NSF: variants seen among roughly 807,000 people sequenced by gnomAD.
NSF encodes the protein N-ethylmaleimide sensitive factor, vesicle fusing ATPase.
In NSF, 14 loss-of-function variants were observed where a neutral mutation model predicts 50.3. The ratio of observed to expected loss-of-function variants is 0.28; its 90% CI spans 0.18 to 0.44. NSF has a LOEUF of 0.44. Ranked by LOEUF, NSF falls within the 20% of genes least tolerant of loss-of-function variation. NSF has a pLI of 1.00. For missense variants in NSF, 218 were observed against 504.3 expected (o/e 0.43, Z 5.44); for synonymous variants, 109 against 175.7 (o/e 0.62, Z 3.00).
Position 46,657,971 on chromosome 17 carries a change from T to TTTA in NSF, c.745+14714_745+14715insATT, listed in dbSNP as rs1555670143. On this transcript the variant is annotated intron_variant, in intron 8 of 20. Transcript: ENST00000398238. ...TTTTGTTTTTATTTTATTTTATTTA[T>TTTA]TTTTTTTTTTTTTGGCGGGGTGGGG... 2.1e-3 allele frequency among the ~76,000 whole-genome samples: 24 copies of TTTA among 11,564 alleles called. 3 individuals are homozygous for TTTA. Among genetic ancestry groups the TTTA allele is most frequent in the Non-Finnish European group, 0.011 (5 of 462 alleles). The allele number at this position is 11,564 out of a possible 152,430, so 7.6% of individuals were successfully genotyped here.
intron 17 of NSF, among the ~76,000 whole-genome samples, chr17:46,734,506 A>G (rs1393919077): frequency 6.6e-6 from 1 of 152,138 alleles, no homozygotes; most frequent in Non-Finnish European, 1.5e-5. Flanking sequence ...TTAGTATAGT[A>G]GATTTTCTTG....
At chr17:46,735,819 C>G (rs1434573845) in intron 17 of NSF, among the ~76,000 whole-genome samples, 1 of 152,048 alleles carries the variant, frequency 6.6e-6, no homozygotes, top group Non-Finnish European at 1.5e-5. Flanking sequence ...GTGGTGTGCA[C>G]CTGTAATCCC....
At chr17:46,750,056 A>G in intron 18 of NSF, 149 bp downstream of exon 18, 2 of 866,988 alleles carry the variant, frequency 2.3e-6, no homozygotes, top group Non-Finnish European at 3.4e-6. Flanking sequence ...ACCTTATCCA[A>G]AATGCCTGGG....
At chr17:46,754,597 C>T (rs1335634280) in intron 19 of NSF, among the ~76,000 whole-genome samples, 1 of 152,202 alleles carries the variant, frequency 6.6e-6, no homozygotes, top group Non-Finnish European at 1.5e-5. Flanking sequence ...GAATAAAGTA[C>T]ATTTAACGAG....
intron 13 of NSF, among the ~76,000 whole-genome samples, chr17:46,707,350 ACT>A (rs1568037817): frequency 1.3e-5 from 2 of 151,978 alleles, no homozygotes; most frequent in East Asian, 1.9e-4. Context: ...TTCTTTATAT[ACT>A]CTTTTTTTCT....
At chr17:46,755,414 C>A in intron 20 of NSF, 45 bp downstream of exon 20, 1 of 1,425,542 alleles carries the variant, frequency 7.0e-7, no homozygotes, top group Non-Finnish European at 9.9e-7. Flanking sequence ...AACTTACCAC[C>A]CTGTTAAATC....
At chr17:46,595,336 C>G (rs925771539) in intron 1 of NSF, among the ~76,000 whole-genome samples, 2 of 65,122 alleles carry the variant, frequency 3.1e-5, no homozygotes, top group African/African-American at 3.3e-4. Context: ...CACCTTGTTG[C>G]AATACTTTTA....
At chr17:46,742,219 C>G (rs2059080945) in intron 17 of NSF, among the ~76,000 whole-genome samples, 1 of 152,206 alleles carries the variant, frequency 6.6e-6, no homozygotes, top group Admixed American at 6.5e-5. Context: ...AGATTATTTT[C>G]TTTAAAATTT....
intron 17 of NSF, among the ~76,000 whole-genome samples, chr17:46,737,604 T>A (rs960198274): frequency 1.4e-5 from 2 of 147,584 alleles, no homozygotes; most frequent in African/African-American, 4.9e-5. Flanking sequence ...TGTGTGTGTG[T>A]TTTCTGATCC....
chr17:46,739,884 G>A (rs2059052293), intron 17 of NSF, among the ~76,000 whole-genome samples: 1 of 152,104 alleles, frequency 6.6e-6, no homozygotes. Context: ...ATTTTTAGCA[G>A]AGATGAGGTT....
chr17:46,622,558 G>A (rs1428175917), intron 1 of NSF, among the ~76,000 whole-genome samples: 18 of 148,664 alleles, frequency 1.2e-4, no homozygotes, highest in Admixed American at 4.7e-4. Flanking sequence ...CGAGGCGGGC[G>A]GATTGCCTGA....
chr17:46,744,449 A>C (rs961812407), intron 17 of NSF, among the ~76,000 whole-genome samples: 2 of 152,190 alleles, frequency 1.3e-5, no homozygotes, highest in African/African-American at 4.8e-5. Context: ...CAGGGTTTTC[A>C]ATTGTTCACA....
chr17:46,756,001 C>T lies in NSF; in HGVS notation c.*178C>T. The stretch of plus-strand genomic sequence containing the variant: ...CCCTTCCTTATGCATACTGAGATAG[C>T]TTAGTGTCTCGTGGAAGGTGTCAAT... On this transcript the variant is annotated 3_prime_UTR_variant, in exon 21 of 21. Coordinates refer to ENST00000398238, the MANE Select transcript of NSF (RefSeq NM_006178.4). The T allele has an allele frequency of 1.7e-6, 1 of 598,808 alleles. No individual in the cohort carries two copies. The highest frequency in any genetic ancestry group is 2.9e-5 in the East Asian group (1 of 34,918). The allele number at this position is 598,808 out of a possible 1,614,324, so 37.1% of individuals were successfully genotyped here. A position where few individuals can be genotyped will look rare whatever the true frequency, so the allele number is the denominator to read the frequency against.
chr17:46,730,764 C>A (rs1350069044), intron 17 of NSF, among the ~76,000 whole-genome samples: 1 of 151,972 alleles, frequency 6.6e-6, no homozygotes, highest in Non-Finnish European at 1.5e-5. Context: ...TGAAAACATT[C>A]AAAAATAAGT....
At chr17:46,712,246 A>G (rs1302073362) in intron 14 of NSF, among the ~76,000 whole-genome samples, 5 of 152,216 alleles carry the variant, frequency 3.3e-5, no homozygotes, top group Non-Finnish European at 5.9e-5. Flanking sequence ...TATTATTGTC[A>G]ATCATAATTA....
At chr17:46,713,756 G>T in intron 14 of NSF, 97 bp from the exon 15 acceptor site, 1 of 1,131,206 alleles carries the variant, frequency 8.8e-7, no homozygotes, top group South Asian at 1.5e-5. Context: ...GCAACTAGTC[G>T]AGACCTCAGT....
chr17:46,727,529 A>C (rs981861531), intron 16 of NSF, among the ~76,000 whole-genome samples: 10 of 152,080 alleles, frequency 6.6e-5, no homozygotes, highest in Non-Finnish European at 1.5e-4. Flanking sequence ...CATTTTTCCC[A>C]TGATTTTCAG....
rs147678938 is a variant in NSF, at chr17:46,747,379, C to T, written c.1909-2394C>T. On this transcript the variant is annotated intron_variant, in intron 17 of 20. Transcript: ENST00000398238. ...CACTCCAGCCTCAAACTCCTTGGCT[C>T]AAGCGATCTGCTCACCTCAGGCTCC... 1.2e-4 allele frequency among the ~76,000 whole-genome samples: 19 copies of T among 152,278 alleles called. No homozygotes were observed. In the East Asian group the frequency reaches 3.7e-3, roughly 29 times the overall value.
At chr17:46,727,741 A>G (rs548751593) in intron 16 of NSF, among the ~76,000 whole-genome samples, 1 of 152,262 alleles carries the variant, frequency 6.6e-6, no homozygotes, top group East Asian at 1.9e-4. Context: ...AAATTCCTTT[A>G]TCTTAACACA....
Sources: gnomAD v4.1 joint callset for allele counts (sites outside exome capture counted in the v4.1 genomes callset) on GRCh38, gnomAD v4.1.1 for gene constraint, MANE v1.5 for transcripts, NCBI Gene and HGNC (gene_info 2026-07-23, HGNC 2026-07-21) for gene names.